The following LMNTD1 variants were observed in gnomAD, a reference collection of about 807,000 sequenced individuals.
LMNTD1 encodes lamin tail domain-containing protein 1.
A neutral mutation model predicts 50.9 loss-of-function variants in LMNTD1; 35 were observed. That is an observed-to-expected ratio of 0.69 (90% CI 0.53 to 0.91). The LOEUF (loss-of-function observed/expected upper bound fraction) is 0.91, where lower values mean the gene tolerates loss of function less well. Among genes scored for constraint, LMNTD1 ranks in the 40% least tolerant of loss-of-function variants. LMNTD1 has a pLI of 0.00. For synonymous variants in LMNTD1, 153 were observed against 161.9 expected, an observed-to-expected ratio of 0.94 and a Z score of 0.42; for missense variants, 470 against 475.5, an observed-to-expected ratio of 0.99 and a Z score of 0.11.
rs58657565 is a variant in LMNTD1 at position 25,602,108 on chromosome 12, T to A, written c.58+46386A>T. Among the ~76,000 whole-genome samples, 1,291 of 152,006 alleles carry A rather than the reference T, an allele frequency of 8.5e-3. 23 individuals carry two copies. The highest frequency in any genetic ancestry group is 0.063 in the East Asian group (326 of 5,180). On this transcript the variant is annotated intron_variant, in intron 1 of 7. Coordinates refer to the LMNTD1 transcript ENST00000445693. Reference sequence around the variant, plus strand: ...TTCTTTTATATTTAGAAATTTGTCTTAATTAATTAATGATACCAGAAAGAA... The same window carrying A: ...TTCTTTTATATTTAGAAATTTGTCTAAATTAATTAATGATACCAGAAAGAA...
At chr12:25,603,551 G>A (rs1045441169) in intron 1 of LMNTD1, among the ~76,000 whole-genome samples, 1 of 151,966 alleles carries the variant, frequency 6.6e-6, no homozygotes, top group African/African-American at 2.4e-5. Flanking sequence ...AAGTTGGAAG[G>A]CCCCTAAGAG....
chr12:25,631,100 C>A (rs1356223593), intron 1 of LMNTD1, among the ~76,000 whole-genome samples: 1 of 152,228 alleles, frequency 6.6e-6, no homozygotes, highest in East Asian at 1.9e-4. Flanking sequence ...GAACATAACT[C>A]CATTGGCCTG....
chr12:25,619,252 C>CTCTATATATATATATATATA (rs1374134268), intron 1 of LMNTD1, among the ~76,000 whole-genome samples: 5 of 84,442 alleles, frequency 5.9e-5, no homozygotes, highest in Admixed American at 1.1e-4. Context: ...CTCTCTCTCT[C>CTCTATATATATATATATATA]TATATATATA....
At chr12:25,581,316 A>G (rs1255782322) in intron 1 of LMNTD1, among the ~76,000 whole-genome samples, 1 of 152,160 alleles carries the variant, frequency 6.6e-6, no homozygotes, top group East Asian at 1.9e-4. Flanking sequence ...ATCTGGATTC[A>G]TTTTCAATGG....
chr12:25,611,454 G>A (rs903377628), intron 1 of LMNTD1, among the ~76,000 whole-genome samples: 2 of 152,188 alleles, frequency 1.3e-5, no homozygotes, highest in African/African-American at 4.8e-5. Flanking sequence ...GGACTAGGAT[G>A]AAGGAAGTTT....
intron 9 of LMNTD1, among the ~76,000 whole-genome samples, chr12:25,494,488 A>C (rs1938994119): frequency 6.6e-6 from 1 of 152,184 alleles, no homozygotes; most frequent in Non-Finnish European, 1.5e-5. Context: ...ACGAAAAGTA[A>C]AAGTTTAGGA....
chr12:25,596,618 G>C lies in LMNTD1; in HGVS notation c.59-50064C>G, dbSNP rs796598272. On this transcript the variant is annotated intron_variant, in intron 1 of 7. Transcript: ENST00000445693. ...ATAAACACTGTTCCAGACAATCAAA[G>C]GCTGAGGGATTTCAACACCAGATCT... is the stretch of plus-strand genomic sequence containing the variant. Among the ~76,000 whole-genome samples the C allele has an allele frequency of 3.3e-5, 5 of 152,072 alleles. No homozygotes were observed. In the South Asian group the frequency reaches 6.2e-4, roughly 19 times the overall value.
At chr12:25,571,510 C>A (rs1419021457) in intron 1 of LMNTD1, among the ~76,000 whole-genome samples, 1 of 151,464 alleles carries the variant, frequency 6.6e-6, no homozygotes, top group Non-Finnish European at 1.5e-5. Context: ...ACTACAGGCA[C>A]CCACTACCAC....
upstream of LMNTD1, among the ~76,000 whole-genome samples, chr12:25,554,765 A>G (rs960816538): frequency 6.6e-6 from 1 of 152,156 alleles, no homozygotes; most frequent in African/African-American, 2.4e-5. Flanking sequence ...CAGGTGAAAA[A>G]TAGATTACAA....
intron 1 of LMNTD1, among the ~76,000 whole-genome samples, chr12:25,641,963 A>G (rs566264630): frequency 1.2e-3 from 190 of 152,210 alleles, no homozygotes; most frequent in African/African-American, 4.4e-3. Context: ...ACTAAACCAA[A>G]TTTGCGAATT....
intron 1 of LMNTD1, among the ~76,000 whole-genome samples, chr12:25,563,111 A>T (rs532705519): frequency 6.6e-6 from 1 of 152,090 alleles, no homozygotes; most frequent in East Asian, 1.9e-4. Context: ...GAAGTTTGTT[A>T]TTACCAATCA....
At chr12:25,601,481 C>T (rs544130297) in intron 1 of LMNTD1, among the ~76,000 whole-genome samples, 1 of 151,994 alleles carries the variant, frequency 6.6e-6, no homozygotes, top group African/African-American at 2.4e-5. Context: ...TTATTTGTAA[C>T]TCAGAGGATA....
intron 9 of LMNTD1, among the ~76,000 whole-genome samples, chr12:25,491,947 T>C (rs991447952): frequency 6.6e-6 from 1 of 152,086 alleles, no homozygotes; most frequent in East Asian, 1.9e-4. Flanking sequence ...TAAAATAAGG[T>C]GCTAATTGAG....
At position 25,487,965 on chromosome 12, in the gene LMNTD1, C is replaced by A. The variant is rs1291753027; in HGVS notation, c.*23-11505G>T. ...TAAGAATGTTGAATATTGGCCCCCACTCTCTTCTGGCTTGTGGGGTTTCTG... is the reference window on the plus strand; with the variant it reads ...TAAGAATGTTGAATATTGGCCCCCAATCTCTTCTGGCTTGTGGGGTTTCTG... On this transcript the variant is annotated intron_variant, in intron 9 of 9. Coordinates refer to ENST00000458174, the MANE Select transcript of LMNTD1 (RefSeq NM_001145728.2). 8.2e-5 allele frequency among the ~76,000 whole-genome samples: 12 copies of A among 147,156 alleles called. No homozygotes were observed. In the East Asian group the frequency reaches 2.5e-3, roughly 30 times the overall value.
rs886649490 is a variant in LMNTD1, at chr12:25,611,096, C to T, written c.58+37398G>A. 8.5e-5 allele frequency among the ~76,000 whole-genome samples: 13 copies of T among 152,188 alleles called. No individual in the cohort carries two copies. The East Asian group carries it at 1.7e-3, about 20-fold the overall frequency. ...AGAACCAGTATAAAGCAGGGCAGGA[C>T]GTCAAGGGAAGGACAAAGTTTTAAC... On this transcript the variant is annotated intron_variant, in intron 1 of 7. Transcript: ENST00000445693.
Position 25,552,990 on chromosome 12 carries a change from C to G in LMNTD1, c.-30-1G>C. 1 of 1,610,466 alleles carries G rather than the reference C, an allele frequency of 6.2e-7. No individual in the cohort carries two copies. The highest frequency in any genetic ancestry group is 8.5e-7 in the Non-Finnish European group (1 of 1,177,478). On this transcript the variant is annotated splice_acceptor_variant, in intron 1 of 9. Coordinates refer to ENST00000458174, the MANE Select transcript of LMNTD1 (RefSeq NM_001145728.2). LOFTEE classifies it low-confidence loss of function (5UTR_SPLICE). ...CTAGAAAAGAAGTCTCTTTTCTTTC[C>G]TAGGAAAGCAGATCATGACATCAGA...
chr12:25,621,196 A>G (rs1380946131), intron 1 of LMNTD1, among the ~76,000 whole-genome samples: 1 of 152,166 alleles, frequency 6.6e-6, no homozygotes, highest in African/African-American at 2.4e-5. Flanking sequence ...ATCTATTAAC[A>G]TGTTAATACA....
chr12:25,574,054 C>T (rs1385010192), intron 1 of LMNTD1, among the ~76,000 whole-genome samples: 1 of 152,174 alleles, frequency 6.6e-6, no homozygotes, highest in Non-Finnish European at 1.5e-5. Context: ...TATAATTCAG[C>T]TCTTTAGGAC....
chr12:25,613,695 T>G (rs1198178281), intron 1 of LMNTD1, among the ~76,000 whole-genome samples: 2 of 152,200 alleles, frequency 1.3e-5, no homozygotes, highest in African/African-American at 4.8e-5. Context: ...ATGCATAAAT[T>G]AAATTAGCTT....
Sources: gnomAD v4.1 joint callset for allele counts (sites outside exome capture counted in the v4.1 genomes callset) on GRCh38, gnomAD v4.1.1 for gene constraint, MANE v1.5 for transcripts, NCBI Gene and HGNC (gene_info 2026-07-23, HGNC 2026-07-21) for gene names.